LRRC37A2: variants seen among roughly 807,000 people sequenced by gnomAD.
The protein encoded by LRRC37A2 is leucine rich repeat containing 37 member A2, also known as leucine-rich repeat-containing protein 37A2.
LRRC37A2 carries 9 observed loss-of-function variants against 68.8 expected under a neutral mutation model. The observed-to-expected ratio is 0.13, with a 90% CI of 0.08 to 0.23. LRRC37A2 has a LOEUF of 0.23. Among genes scored for constraint, LRRC37A2 ranks in the 10% least tolerant of loss-of-function variants. The pLI is 1.00. For synonymous variants in LRRC37A2, 63 were observed against 367.6 expected, an observed-to-expected ratio of 0.17 and a Z score of 9.48; for missense variants, 168 against 950.4, an observed-to-expected ratio of 0.18 and a Z score of 10.82.
chr17:46,857,115 G>A, the LRRC37A2 span, among the ~76,000 whole-genome samples: 1 of 152,140 alleles, frequency 6.6e-6, no homozygotes, highest in Non-Finnish European at 1.5e-5. Flanking sequence ...TTTTATGGCT[G>A]AGTATTCCTT....
intron 6 of LRRC37A2, among the ~76,000 whole-genome samples, chr17:46,533,522 GAC>G (rs2054056134): frequency 7.1e-6 from 1 of 141,158 alleles, no homozygotes; most frequent in African/African-American, 2.9e-5. Context: ...TTTATTTTGG[GAC>G]AGAGTCTCAC....
chr17:47,018,358 A>G, the LRRC37A2 span: 5 of 1,611,114 alleles, frequency 3.1e-6, no homozygotes, highest in African/African-American at 6.7e-5. Context: ...CCTCTAGAAC[A>G]TCATGAAGTC....
At chr17:46,708,822 AT>A in the LRRC37A2 span, among the ~76,000 whole-genome samples, 2,869 of 108,572 alleles carry the variant, frequency 0.026, 255 homozygotes, top group East Asian at 0.39. Context: ...ATATATATAT[AT>A]TTTTTTTTTT....
At chr17:46,852,296 A>G in the LRRC37A2 span, among the ~76,000 whole-genome samples, 7 of 152,124 alleles carry the variant, frequency 4.6e-5, no homozygotes, top group Non-Finnish European at 8.8e-5. Context: ...CTGGAGACGC[A>G]GGAAGGAACC....
the LRRC37A2 span, among the ~76,000 whole-genome samples, chr17:46,970,665 C>A: frequency 6.6e-6 from 1 of 152,004 alleles, no homozygotes; most frequent in Non-Finnish European, 1.5e-5. Context: ...GGGGTGTGCA[C>A]TGGAGCCGCT....
chr17:47,048,217 T>C, the LRRC37A2 span, among the ~76,000 whole-genome samples: 4 of 150,892 alleles, frequency 2.7e-5, no homozygotes, highest in Non-Finnish European at 5.9e-5. Context: ...CCCAAGCCCA[T>C]GCTTCTTCCA....
the LRRC37A2 span, among the ~76,000 whole-genome samples, chr17:46,748,664 C>T: frequency 6.6e-6 from 1 of 152,176 alleles, no homozygotes; most frequent in Admixed American, 6.5e-5. Flanking sequence ...TAGAGAGTCA[C>T]CGCTTCAGAT....
chr17:46,760,001 G>A, the LRRC37A2 span, among the ~76,000 whole-genome samples: 2 of 152,168 alleles, frequency 1.3e-5, no homozygotes, highest in African/African-American at 4.8e-5. Context: ...GGGTGTGATG[G>A]CTCACCCAGT....
chr17:46,768,817 C>T, the LRRC37A2 span: 1 of 1,610,722 alleles, frequency 6.2e-7, no homozygotes, highest in East Asian at 2.2e-5. The surrounding 1 kb of genome is among the most constrained non-coding windows in gnomAD (Gnocchi z 5.0). Context: ...AGAGAAGTGG[C>T]AGCTGGCCAA....
the LRRC37A2 span, among the ~76,000 whole-genome samples, chr17:46,743,179 TAACCCAGAGCC>T: frequency 3.6e-4 from 55 of 152,276 alleles, no homozygotes; most frequent in Middle Eastern, 3.4e-3. Flanking sequence ...TCATCTTCCC[TAACCCAGAGCC>T]AACCTTGGCC....
At chr17:46,958,642 C>T in the LRRC37A2 span, among the ~76,000 whole-genome samples, 3 of 152,226 alleles carry the variant, frequency 2.0e-5, no homozygotes, top group African/African-American at 7.2e-5. Flanking sequence ...AGGGGGCCAT[C>T]AGGGCATCGC....
the LRRC37A2 span, among the ~76,000 whole-genome samples, chr17:46,970,990 A>T: frequency 6.6e-6 from 1 of 152,256 alleles, no homozygotes; most frequent in African/African-American, 2.4e-5. Context: ...GGTTGCAGGA[A>T]TGTGGCTACT....
At chr17:46,817,996 C>T in the LRRC37A2 span, among the ~76,000 whole-genome samples, 6 of 152,046 alleles carry the variant, frequency 3.9e-5, 1 homozygote, top group Admixed American at 1.3e-4. Context: ...TCCCCTGCCC[C>T]GGGAGGAGCC....
the LRRC37A2 span, among the ~76,000 whole-genome samples, chr17:47,005,181 T>C: frequency 1.3e-5 from 2 of 152,252 alleles, no homozygotes; most frequent in Non-Finnish European, 2.9e-5. Flanking sequence ...TCTTCCTGTT[T>C]TCCTTGGAAA....
chr17:46,895,354 T>C, the LRRC37A2 span, among the ~76,000 whole-genome samples: 1 of 152,240 alleles, frequency 6.6e-6, no homozygotes, highest in Admixed American at 6.5e-5. Context: ...CCATGCAGGC[T>C]CAGGAGCTGG....
chr17:46,806,779 G>A, the LRRC37A2 span, among the ~76,000 whole-genome samples: 1 of 152,246 alleles, frequency 6.6e-6, no homozygotes, highest in Non-Finnish European at 1.5e-5. Context: ...GCCGGTTAGA[G>A]TTGTGAGGAC....
the LRRC37A2 span, among the ~76,000 whole-genome samples, chr17:47,005,191 A>G: frequency 1.3e-5 from 2 of 152,170 alleles, no homozygotes; most frequent in African/African-American, 4.8e-5. Flanking sequence ...TTCCTTGGAA[A>G]TGTTTTCCTC....
chr17:46,768,271 GCCCAGGCT>G, the LRRC37A2 span: 2 of 1,611,204 alleles, frequency 1.2e-6, no homozygotes, highest in Non-Finnish European at 1.7e-6. The surrounding 1 kb of genome is among the most constrained non-coding windows in gnomAD (Gnocchi z 5.0). Context: ...CATTCCCTGC[GCCCAGGCT>G]CCCAGCCTCC....
the LRRC37A2 span, chr17:47,021,938 C>T: frequency 1.3e-6 from 2 of 1,504,736 alleles, no homozygotes; most frequent in Non-Finnish European, 1.8e-6. Context: ...ATATTCTCTC[C>T]AAATATGACA....
Sources: gnomAD v4.1 joint callset for allele counts (sites outside exome capture counted in the v4.1 genomes callset) on GRCh38, gnomAD v4.1.1 for gene constraint, Gnocchi (gnomAD v3.1) non-coding constraint, MANE v1.5 for transcripts, NCBI Gene and HGNC (gene_info 2026-07-23, HGNC 2026-07-21) for gene names.